The following COL6A1 variants were observed in gnomAD, a reference collection of about 807,000 sequenced individuals.
The protein encoded by COL6A1 is collagen type VI alpha 1 chain.
A neutral mutation model predicts 145.6 loss-of-function variants in COL6A1; 80 were observed. That is an observed-to-expected ratio of 0.55 (90% CI 0.46 to 0.66). The LOEUF (loss-of-function observed/expected upper bound fraction) is 0.66. Ranked by LOEUF, COL6A1 falls within the 30% of genes least tolerant of loss-of-function variation. COL6A1 has a pLI of 0.00. For synonymous variants in COL6A1, 638 were observed against 622.8 expected (o/e 1.02, Z -0.36); for missense variants, 1,364 against 1,473.8 (o/e 0.93, Z 1.22).
intron 11 of COL6A1, 27 bp downstream of exon 11, chr21:45,989,805 G>A (rs1436932352): frequency 6.2e-7 from 1 of 1,612,716 alleles, no homozygotes; most frequent in Non-Finnish European, 8.5e-7. Context: ...CTCGGAGCTG[G>A]TCTCTCCAGG....
In COL6A1 at chr21:45,992,147, ACCCTT is replaced by A. The variant is rs1488647260; in HGVS notation, c.1183-16_1183-12del. The A allele has an allele frequency of 6.2e-7, 1 of 1,613,294 alleles. No homozygotes were observed. The highest frequency in any genetic ancestry group is 8.5e-7 in the Non-Finnish European group (1 of 1,179,934). On this transcript the variant is annotated splice_polypyrimidine_tract_variant and intron_variant, in intron 16 of 34. Coordinates refer to ENST00000361866, the MANE Select transcript of COL6A1 (RefSeq NM_001848.3). Reference sequence around the variant, plus strand: ...GTCAAGGAGATGGAGCGACCATTCAACCCTTGTTCCCCACAGGGCCAGCCGGGAGA... The same window carrying A: ...GTCAAGGAGATGGAGCGACCATTCAAGTTCCCCACAGGGCCAGCCGGGAGA...
In COL6A1 at chr21:45,989,191, C is replaced by G. The variant is rs2077759896; in HGVS notation, c.858+54C>G. 5 of 1,550,168 alleles carry G rather than the reference C, an allele frequency of 3.2e-6. No individual in the cohort carries two copies. The South Asian group carries it at 4.9e-5, about 15-fold the overall frequency. On this transcript the variant is annotated intron_variant, in intron 9 of 34. Transcript: ENST00000361866. ...CTAAGAAGCTGGAGGCGGGGAACGA[C>G]TAGGCCTCGGAAACTTCCGGAAGAG...
chr21:45,982,525 G>A (rs918832813), intron 1 of COL6A1, 109 bp from the exon 2 acceptor site: 19 of 1,522,422 alleles, frequency 1.2e-5, no homozygotes, highest in Non-Finnish European at 1.6e-5. Flanking sequence ...GCCTCTCCGG[G>A]CCCGGGGCTC....
chr21:45,999,571 G>T, intron 26 of COL6A1, 86 bp from the exon 27 acceptor site: 1 of 1,453,418 alleles, frequency 6.9e-7, no homozygotes. Flanking sequence ...ATGAGGGGCA[G>T]GGCCCTGGGG....
At chr21:45,987,098 G>A in intron 5 of COL6A1, 26 bp downstream of exon 5, 1 of 1,567,254 alleles carries the variant, frequency 6.4e-7, no homozygotes, top group Non-Finnish European at 8.6e-7. Flanking sequence ...AGGAGACGGG[G>A]AGGCCCGCGG....
At chr21:45,987,356 G>A in intron 6 of COL6A1, 143 bp from the exon 7 acceptor site, 2 of 1,469,852 alleles carry the variant, frequency 1.4e-6, no homozygotes. Flanking sequence ...CTGTGTGTCT[G>A]CCCATGTGCC....
At chr21:45,988,981 T>A in intron 8 of COL6A1, 103 bp from the exon 9 acceptor site, 2 of 1,397,916 alleles carry the variant, frequency 1.4e-6, no homozygotes, top group South Asian at 1.3e-5. Context: ...AAGCCCTTGA[T>A]CCCTGAAGGC....
Position 45,998,972 on chromosome 21 carries a change from G to A in COL6A1, c.1674+13G>A, listed in dbSNP as rs1020786659. ...CCCCGGAGACGATGTAAGTGTGGAT[G>A]GGAGGCAGGGCCAGCCCCAAGTCCA... is the stretch of plus-strand genomic sequence containing the variant. On this transcript the variant is annotated intron_variant, in intron 25 of 34. Coordinates refer to ENST00000361866, the MANE Select transcript of COL6A1 (RefSeq NM_001848.3). 5.2e-6 allele frequency: 8 copies of A among 1,551,884 alleles called. No individual in the cohort carries two copies. The highest frequency in any genetic ancestry group is 4.1e-5 in the African/African-American group (3 of 73,324).
rs142881632 is a variant in COL6A1 at position 46,002,393 on chromosome 21, G to A, written c.2242G>A (p.Gly748Ser). ...ACCGCTCAACGTGCTCTGCAGCCCC[G>A]GCATCCAGGTGGGGTGGCCACCCCC... Reference protein sequence around the residue: ...TTPLNVLCSPGIQVVSVGIKD... With the variant: ...TTPLNVLCSPSIQVVSVGIKD... The change falls in exon 32 of 35, where the codon GGC (glycine) becomes AGC (serine). Residue 748 changes from glycine (G) to serine (S), a missense_variant. This residue lies in a region of COL6A1 where 938 missense variants were observed against 1,003.8 expected (regional missense o/e 0.93). Coordinates refer to ENST00000361866, the MANE Select transcript of COL6A1 (RefSeq NM_001848.3). The A allele has an allele frequency of 2.5e-5, 40 of 1,601,818 alleles. No homozygotes were observed. The highest frequency in any genetic ancestry group is 6.9e-5 in the Admixed American group (4 of 57,852).
At chr21:45,989,191 C>T in intron 9 of COL6A1, 54 bp downstream of exon 9, 3 of 1,550,286 alleles carry the variant, frequency 1.9e-6, no homozygotes, top group Non-Finnish European at 2.6e-6. Context: ...CGGGGAACGA[C>T]TAGGCCTCGG....
intron 22 of COL6A1, 78 bp from the exon 23 acceptor site, chr21:45,998,043 T>C: frequency 1.3e-6 from 2 of 1,547,064 alleles, no homozygotes; most frequent in Non-Finnish European, 8.8e-7. Context: ...GCGGGTGAGG[T>C]GCTCCCGGGC....
rs374289997 is a variant in COL6A1 at position 46,004,400 on chromosome 21, C to T, written c.*387C>T. On this transcript the variant is annotated 3_prime_UTR_variant, in exon 35 of 35. Coordinates refer to ENST00000361866, the MANE Select transcript of COL6A1 (RefSeq NM_001848.3). The stretch of plus-strand genomic sequence containing the variant: ...TCCTGCCCGCCCTCCCTCCTGCCTG[C>T]GCAGCTCCTTCCCTAGGCACCTCTG... 3.3e-5 allele frequency: 12 copies of T among 360,300 alleles called. No homozygotes were observed. The highest frequency in any genetic ancestry group is 1.7e-3 in the Middle Eastern group (2 of 1,196). The allele number at this position is 360,300 out of a possible 1,614,324, so 22.3% of individuals were successfully genotyped here.
Position 45,994,067 on chromosome 21 carries a change from A to C in COL6A1, c.1336-100A>C. ...CGGGGAGGGAAGGCCGGAACAGCCC[A>C]GTGACCACCTGGACAGCATGCTGTG... is the stretch of plus-strand genomic sequence containing the variant. On this transcript the variant is annotated intron_variant, in intron 19 of 34. Coordinates refer to ENST00000361866, the MANE Select transcript of COL6A1 (RefSeq NM_001848.3). The surrounding 1 kb of genome is among the most constrained non-coding windows in gnomAD (Gnocchi z 6.8). The C allele has an allele frequency of 8.0e-7, 1 of 1,244,304 alleles. No individual in the cohort carries two copies. The highest frequency in any genetic ancestry group is 1.2e-6 in the Non-Finnish European group (1 of 867,946). 77.1% of individuals were successfully genotyped at this position (1,244,304 alleles called of 1,614,324 possible).
intron 27 of COL6A1, among the ~76,000 whole-genome samples, chr21:45,999,935 TG>T (rs112799154): frequency 1.5e-3 from 9 of 5,856 alleles, no homozygotes; most frequent in South Asian, 5.9e-3. Context: ...GTGAGGATCA[TG>T]GGGGGGACGT....
rs114175056 is a variant in COL6A1, at chr21:45,996,767, C to T, written c.1399-654C>T. Among the ~76,000 whole-genome samples the T allele has an allele frequency of 5.9e-5, 9 of 152,246 alleles. 2 individuals are homozygous for T. In the South Asian group the frequency reaches 8.3e-4, roughly 14 times the overall value. The stretch of plus-strand genomic sequence containing the variant: ...AGGGACTCGCCGCTGGAGTTGTCCA[C>T]GGAGCAGGCCCTCAAAGGTGGGAGC... On this transcript the variant is annotated intron_variant, in intron 20 of 34. Coordinates refer to ENST00000361866, the MANE Select transcript of COL6A1 (RefSeq NM_001848.3).
At chr21:45,985,428 CAG>C (rs1446119149) in intron 3 of COL6A1, among the ~76,000 whole-genome samples, 3 of 152,154 alleles carry the variant, frequency 2.0e-5, no homozygotes, top group Non-Finnish European at 4.4e-5. Flanking sequence ...AGACCGGAAA[CAG>C]AGGCAGAGAG....
At chr21:45,984,605 C>T in intron 3 of COL6A1, 136 bp downstream of exon 3, 2 of 789,102 alleles carry the variant, frequency 2.5e-6, no homozygotes, top group Non-Finnish European at 2.1e-6. Context: ...GCCTCCCTGA[C>T]CCACTTTGTG....
chr21:45,989,768 G>A lies in COL6A1; in HGVS notation c.920G>A (p.Arg307His), dbSNP rs145838277. ...GGTGTGTAGGGAGAAAAAGGGAGCC[G>A]TGGGGAGAAGGTGAGTGAGGCTCGA... The part of the protein sequence containing the change: ...YQGMKGEKGS[R>H]GEKGSRGPKG... Residue 307 changes from arginine to histidine, a missense_variant, in exon 11 of 35, where the codon CGT becomes CAT. Physicochemically the swap from Arg to His is conservative, Grantham distance 29. This residue lies in a region of COL6A1 where 414 missense variants were observed against 437.6 expected (regional missense o/e 0.95). Transcript: ENST00000361866. 1.5e-5 allele frequency: 25 copies of A among 1,612,914 alleles called. No individual in the cohort carries two copies. The East Asian group carries it at 2.5e-4, about 16-fold the overall frequency.
In COL6A1 at chr21:46,001,267, C is replaced by T. The variant is rs200770631; in HGVS notation, c.1837C>T (p.Pro613Ser). The change falls in exon 30 of 35, where the codon CCC becomes TCC. Residue 613 changes from proline (P) to serine (S), a missense_variant. Pro to Ser is a moderately conservative substitution (Grantham distance 74). This residue lies in a region of COL6A1 where 938 missense variants were observed against 1,003.8 expected (regional missense o/e 0.93). Transcript: ENST00000361866. ...MCSCCECKCG[P>S]IDLLFVLDSS... ...CCCGCCTGCAGAATGCAAGTGCGGC[C>T]CCATCGACCTCCTGTTCGTGCTGGA... 2 of 1,609,528 alleles carry T rather than the reference C, an allele frequency of 1.2e-6. No homozygotes were observed. The highest frequency in any genetic ancestry group is 3.3e-5 in the Admixed American group (2 of 60,018).
Sources: gnomAD v4.1 joint callset for allele counts (sites outside exome capture counted in the v4.1 genomes callset) on GRCh38, gnomAD v4.1.1 for gene constraint, gnomAD v4.1.1 regional missense constraint, Gnocchi (gnomAD v3.1) non-coding constraint, MANE v1.5 for transcripts, NCBI Gene and HGNC (gene_info 2026-07-23, HGNC 2026-07-21) for gene names.